The following ERI1 variants were observed in gnomAD, a reference collection of about 807,000 sequenced individuals.
ERI1 encodes 3'-5' exoribonuclease 1.
Under a neutral mutation model 39.7 loss-of-function variants are expected in ERI1, and 39 were observed. The observed-to-expected ratio is 0.98, with a 90% CI of 0.76 to 1.28. The LOEUF is 1.28. Among genes scored for constraint, ERI1 ranks in the 50% most tolerant of loss-of-function variants. ERI1 has a pLI of 0.00. For missense variants in ERI1, 581 were observed against 416.9 expected (o/e 1.39, Z -3.43); for synonymous variants, 204 against 149.6 (o/e 1.36, Z -2.65).
At chr8:9,079,768 T>G (rs1444294608) in intron 3 of ERI1, among the ~76,000 whole-genome samples, 2 of 152,058 alleles carry the variant, frequency 1.3e-5, no homozygotes, top group Non-Finnish European at 2.9e-5. Context: ...CTCCCCAGGC[T>G]CAGATGATCC....
At chr8:9,082,600 G>A (rs890527179) in intron 3 of ERI1, among the ~76,000 whole-genome samples, 2 of 152,132 alleles carry the variant, frequency 1.3e-5, no homozygotes, top group African/African-American at 2.4e-5. Flanking sequence ...TGTGTTGAAA[G>A]GATATTGAAA....
downstream of ERI1, among the ~76,000 whole-genome samples, chr8:9,036,168 G>A (rs904543462): frequency 1.3e-5 from 2 of 152,228 alleles, no homozygotes; most frequent in African/African-American, 2.4e-5. Context: ...TATTACATAA[G>A]CTTAATTGAT....
chr8:9,067,340 A>G (rs1798908909), intron 3 of ERI1, among the ~76,000 whole-genome samples: 1 of 150,824 alleles, frequency 6.6e-6, no homozygotes. Context: ...GCACTTGTTT[A>G]TTATAAAGGT....
intron 3 of ERI1, among the ~76,000 whole-genome samples, chr8:9,015,404 G>T (rs1054900535): frequency 3.9e-5 from 6 of 152,028 alleles, no homozygotes; most frequent in African/African-American, 1.2e-4. Context: ...TCTGGTTAGG[G>T]AGGCATTACT....
At chr8:9,055,791 C>T (rs937705360) in intron 3 of ERI1, among the ~76,000 whole-genome samples, 19 of 152,182 alleles carry the variant, frequency 1.2e-4, no homozygotes, top group Non-Finnish European at 2.2e-4. Context: ...TCTCCCTTCT[C>T]AGCTTCCCAA....
intron 3 of ERI1, among the ~76,000 whole-genome samples, chr8:9,087,976 A>C (rs375572523): frequency 8.5e-5 from 13 of 152,216 alleles, no homozygotes; most frequent in African/African-American, 3.1e-4. Context: ...GTTGATCATC[A>C]CATTCCTGGC....
rs750612447 is a variant in ERI1 at position 9,008,134 on chromosome 8, C to A, written c.273C>A (p.Phe91Leu). The change falls in exon 2 of 7, where the codon TTC becomes TTA. Residue 91 changes from phenylalanine (F) to leucine (L), a missense_variant. Transcript: ENST00000250263. The part of the protein sequence containing the change: ...KEELRAKLSE[F>L]KLETRGVKDV... ...AACTCAGAGCTAAGCTTTCAGAATTCAAGCTTGAAACTAGGTAATTAAAAA... is the reference window on the plus strand; with the variant it reads ...AACTCAGAGCTAAGCTTTCAGAATTAAAGCTTGAAACTAGGTAATTAAAAA... 1.3e-6 allele frequency: 2 copies of A among 1,588,308 alleles called. No individual in the cohort carries two copies. The highest frequency in any genetic ancestry group is 8.5e-7 in the Non-Finnish European group (1 of 1,169,820).
chr8:9,026,533 TCATC>T (rs200494783), intron 6 of ERI1, among the ~76,000 whole-genome samples: 1,859 of 152,292 alleles, frequency 0.012, 35 homozygotes, highest in South Asian at 0.091. Flanking sequence ...TCTTTAAAGT[TCATC>T]CATGTTGTAT....
In ERI1 at chr8:9,061,528, C is replaced by T. The variant is rs539094753; in HGVS notation, n.299+41064C>T. Among the ~76,000 whole-genome samples the T allele has an allele frequency of 1.7e-4, 26 of 152,308 alleles. No homozygotes were observed. In the East Asian group the frequency reaches 3.1e-3, roughly 18 times the overall value. ...AGTATTAGGGCAGTGGCGGCCGCTG[C>T]ACGCAGACATGAGGGCTAGGCTAAA... is the stretch of plus-strand genomic sequence containing the variant. On this transcript the variant is annotated intron_variant and non_coding_transcript_variant, in intron 3 of 3. Transcript: ENST00000518663.
chr8:9,071,161 G>T lies in ERI1; in HGVS notation n.300-45187G>T, dbSNP rs1261725213. ...GTTCTTGTGTTTACAGCTGTCTAAC[G>T]CGGGGCATTATTCTAAGCAGATGAT... On this transcript the variant is annotated intron_variant and non_coding_transcript_variant, in intron 3 of 3. Transcript: ENST00000518663. 2.0e-5 allele frequency among the ~76,000 whole-genome samples: 3 copies of T among 152,154 alleles called. No homozygotes were observed. In the East Asian group the frequency reaches 5.8e-4, roughly 29 times the overall value.
intron 3 of ERI1, among the ~76,000 whole-genome samples, chr8:9,062,347 A>G (rs571084144): frequency 1.2e-4 from 18 of 151,896 alleles, no homozygotes; most frequent in Non-Finnish European, 2.4e-4. Context: ...AAGGGCAGCA[A>G]TGAGGTGTGG....
At chr8:9,082,515 C>T (rs1799401164) in intron 3 of ERI1, among the ~76,000 whole-genome samples, 1 of 152,066 alleles carries the variant, frequency 6.6e-6, no homozygotes, top group Non-Finnish European at 1.5e-5. Context: ...TCCTTTGTTT[C>T]CTTTGAAGTC....
At chr8:9,098,163 C>A (rs1276083829) in intron 3 of ERI1, among the ~76,000 whole-genome samples, 2 of 152,154 alleles carry the variant, frequency 1.3e-5, no homozygotes, top group African/African-American at 2.4e-5. Context: ...GTGGGCTGAT[C>A]ACTTGAGGTC....
chr8:9,067,061 A>G, intron 3 of ERI1, among the ~76,000 whole-genome samples: 1 of 152,180 alleles, frequency 6.6e-6, no homozygotes, highest in East Asian at 1.9e-4. Flanking sequence ...GGAAAAAAGA[A>G]ATCATTCTCA....
chr8:9,047,563 C>T (rs192194342), intron 3 of ERI1, among the ~76,000 whole-genome samples: 151 of 151,924 alleles, frequency 9.9e-4, no homozygotes, highest in Non-Finnish European at 1.3e-3. Flanking sequence ...CACCTGTACA[C>T]AGGTGCATAT....
intron 3 of ERI1, among the ~76,000 whole-genome samples, chr8:9,082,354 G>A (rs1416548389): frequency 6.6e-6 from 1 of 152,150 alleles, no homozygotes; most frequent in Non-Finnish European, 1.5e-5. Context: ...CTAATGAGTT[G>A]CCAAGTCACC....
At chr8:9,005,499 C>G (rs1283400091) in intron 1 of ERI1, among the ~76,000 whole-genome samples, 2 of 150,070 alleles carry the variant, frequency 1.3e-5, no homozygotes, top group African/African-American at 4.9e-5. Context: ...TTAAGTTCAA[C>G]AACAGTTTTT....
intron 3 of ERI1, among the ~76,000 whole-genome samples, chr8:9,015,338 C>T (rs749851127): frequency 1.3e-5 from 2 of 152,104 alleles, no homozygotes; most frequent in Non-Finnish European, 2.9e-5. Flanking sequence ...ACAGTTGCTG[C>T]CTTTAAATCT....
At chr8:9,047,761 A>G (rs1798220866) in intron 3 of ERI1, among the ~76,000 whole-genome samples, 1 of 152,034 alleles carries the variant, frequency 6.6e-6, no homozygotes, top group Non-Finnish European at 1.5e-5. Context: ...CTTCCAACAG[A>G]GCAGTTCCAC....
Sources: gnomAD v4.1 joint callset for allele counts (sites outside exome capture counted in the v4.1 genomes callset) on GRCh38, gnomAD v4.1.1 for gene constraint, MANE v1.5 for transcripts, NCBI Gene and HGNC (gene_info 2026-07-23, HGNC 2026-07-21) for gene names.